CFAP54: variants seen among roughly 807,000 people sequenced by gnomAD.
CFAP54 encodes cilia and flagella associated protein 54.
Under a neutral mutation model 370.4 loss-of-function variants are expected in CFAP54, and 290 were observed. The ratio of observed to expected loss-of-function variants is 0.78; its 90% CI spans 0.71 to 0.86. CFAP54 has a LOEUF of 0.86. Ranked by LOEUF, CFAP54 falls within the 40% of genes least tolerant of loss-of-function variation. The pLI is 0.00. For synonymous variants in CFAP54, 1,206 were observed against 1,236.5 expected (o/e 0.98, Z 0.52); for missense variants, 3,399 against 3,528.7 (o/e 0.96, Z 0.93).
chr12:96,531,223 G>T (rs946107302), intron 9 of CFAP54, among the ~76,000 whole-genome samples: 1 of 152,038 alleles, frequency 6.6e-6, no homozygotes, highest in African/African-American at 2.4e-5. Context: ...GGATATAATA[G>T]TTTACTTACA....
At chr12:96,767,463 A>AT (rs1958412404) in intron 60 of CFAP54, among the ~76,000 whole-genome samples, 1 of 152,094 alleles carries the variant, frequency 6.6e-6, no homozygotes, top group Admixed American at 6.6e-5. Flanking sequence ...AGCATATTAC[A>AT]TTTTTTCAGT....
intron 63 of CFAP54, among the ~76,000 whole-genome samples, chr12:96,806,334 A>C (rs1329826349): frequency 6.6e-6 from 1 of 150,792 alleles, no homozygotes; most frequent in Non-Finnish European, 1.5e-5. Flanking sequence ...AAGGATGATC[A>C]AGTGCAGGAA....
intron 47 of CFAP54, among the ~76,000 whole-genome samples, chr12:96,706,697 G>A (rs1259052071): frequency 1.3e-5 from 2 of 152,248 alleles, no homozygotes; most frequent in East Asian, 3.9e-4. Flanking sequence ...AGCCCACCAT[G>A]TGCCAGGTAC....
intron 36 of CFAP54, 52 bp from the exon 37 acceptor site, chr12:96,657,830 A>G: frequency 8.2e-7 from 1 of 1,224,432 alleles, no homozygotes; most frequent in South Asian, 1.4e-5. Context: ...CAGAAAAAAT[A>G]TGCAGTAAAA....
chr12:96,582,763 A>G (rs984446199), intron 22 of CFAP54, among the ~76,000 whole-genome samples: 9 of 152,290 alleles, frequency 5.9e-5, no homozygotes, highest in Middle Eastern at 3.4e-3. Flanking sequence ...TCATGAAGTA[A>G]TGACCTGTGT....
chr12:96,553,512 A>G (rs1565894618), intron 15 of CFAP54, among the ~76,000 whole-genome samples: 1 of 73,466 alleles, frequency 1.4e-5, no homozygotes, highest in Admixed American at 1.6e-4. Flanking sequence ...TAATATATGT[A>G]TAGTAATATA....
chr12:96,654,545 T>C (rs558738436), intron 36 of CFAP54, among the ~76,000 whole-genome samples: 1 of 152,082 alleles, frequency 6.6e-6, no homozygotes, highest in African/African-American at 2.4e-5. Flanking sequence ...AAATTTGTTA[T>C]ATGCATACAA....
chr12:96,646,423 G>A (rs1374084329), intron 33 of CFAP54: 1 of 152,144 alleles, frequency 6.6e-6, no homozygotes, highest in Non-Finnish European at 1.5e-5. Flanking sequence ...AGTTAGAATG[G>A]CGATCATTAA....
At chr12:96,588,259 A>G (rs777006743) in intron 22 of CFAP54, among the ~76,000 whole-genome samples, 17 of 151,632 alleles carry the variant, frequency 1.1e-4, no homozygotes, top group Admixed American at 6.6e-4. Flanking sequence ...AGTCATTTCC[A>G]TTACTGGACC....
chr12:96,778,282 A>T (rs1958542573), intron 60 of CFAP54, among the ~76,000 whole-genome samples: 1 of 152,208 alleles, frequency 6.6e-6, no homozygotes, highest in South Asian at 2.1e-4. Context: ...AAATTTTATT[A>T]GTCTCTAGGT....
At chr12:96,552,624 G>A (rs913732056) in intron 15 of CFAP54, among the ~76,000 whole-genome samples, 2 of 152,278 alleles carry the variant, frequency 1.3e-5, no homozygotes, top group African/African-American at 2.4e-5. Context: ...GGTTACAGGC[G>A]TGAGCCACCA....
rs562465868 is a variant in CFAP54 at position 96,793,643 on chromosome 12, AG to A, written c.8850+1145del. ...AGGGAATTTCCACACTGTTTTCCAT[AG>A]TGGTTGTACTAGTTTACATTTCTAC... On this transcript the variant is annotated intron_variant, in intron 63 of 67. Coordinates refer to ENST00000524981, the MANE Select transcript of CFAP54 (RefSeq NM_001306084.2). Among the ~76,000 whole-genome samples the A allele has an allele frequency of 2.2e-3, 328 of 152,246 alleles. 1 individual carries two copies. Among genetic ancestry groups the A allele is most frequent in the African/African-American group, 7.1e-3 (294 of 41,546 alleles).
intron 48 of CFAP54, among the ~76,000 whole-genome samples, chr12:96,714,445 C>T (rs1328444558): frequency 2.6e-5 from 4 of 152,114 alleles, no homozygotes; most frequent in Non-Finnish European, 5.9e-5. Context: ...CACACGTCAT[C>T]TCCATGGCAA....
chr12:96,545,137 T>A (rs1213309096), intron 14 of CFAP54, among the ~76,000 whole-genome samples: 1 of 152,084 alleles, frequency 6.6e-6, no homozygotes, highest in African/African-American at 2.4e-5. Flanking sequence ...GGTCTTGAAC[T>A]CCTGACCTCA....
chr12:96,617,360 G>A (rs897842192), intron 26 of CFAP54, among the ~76,000 whole-genome samples: 1 of 152,186 alleles, frequency 6.6e-6, no homozygotes, highest in Non-Finnish European at 1.5e-5. Context: ...ACCACCAGGG[G>A]GATGGTGCAT....
chr12:96,587,669 A>G (rs918401610), intron 22 of CFAP54, among the ~76,000 whole-genome samples: 8 of 152,348 alleles, frequency 5.3e-5, no homozygotes, highest in Non-Finnish European at 1.0e-4. Flanking sequence ...AAAGAACATT[A>G]TTTTAAAAGG....
chr12:96,700,247 G>A (rs190274087), intron 46 of CFAP54, among the ~76,000 whole-genome samples, 154 bp downstream of exon 46: 25 of 152,266 alleles, frequency 1.6e-4, no homozygotes, highest in African/African-American at 5.3e-4. Flanking sequence ...GATTTTATGA[G>A]GTTTCATTTG....
At chr12:96,567,923 T>C (rs1172880089) in intron 19 of CFAP54, among the ~76,000 whole-genome samples, 2 of 152,060 alleles carry the variant, frequency 1.3e-5, no homozygotes, top group Non-Finnish European at 2.9e-5. Context: ...GATCAATCCC[T>C]AGGGTACTCT....
At chr12:96,731,086 C>G (rs1957914721) in intron 50 of CFAP54, among the ~76,000 whole-genome samples, 1 of 152,166 alleles carries the variant, frequency 6.6e-6, no homozygotes, top group Admixed American at 6.5e-5. Flanking sequence ...CTGTGTCGTT[C>G]ACACTGATGC....
Sources: allele counts gnomAD v4.1 joint callset (sites outside exome capture counted in the v4.1 genomes callset), GRCh38; gene constraint gnomAD v4.1.1; transcripts MANE v1.5; gene names NCBI Gene and HGNC (gene_info 2026-07-23, HGNC 2026-07-21).